FBXW10: variants seen among roughly 807,000 people sequenced by gnomAD.
FBXW10 encodes the protein F-box and WD repeat domain containing 10, also known as F-box/WD repeat-containing protein 10.
In FBXW10, 68 loss-of-function variants were observed where a neutral mutation model predicts 113.1. That is an observed-to-expected ratio of 0.60 (90% CI 0.49 to 0.74). FBXW10 has a LOEUF of 0.74. Ranked by LOEUF, FBXW10 falls within the 30% of genes least tolerant of loss-of-function variation. The pLI is 0.00. For synonymous variants in FBXW10, 289 were observed against 481.6 expected (o/e 0.60, Z 5.24); for missense variants, 753 against 1,284.5 (o/e 0.59, Z 6.32).
At chr17:18,752,207 G>A (rs181176474) in intron 5 of FBXW10, among the ~76,000 whole-genome samples, 365 of 152,230 alleles carry the variant, frequency 2.4e-3, no homozygotes, top group African/African-American at 8.3e-3. Context: ...CGGTGTGGCT[G>A]TCATGGACTG....
chr17:18,778,773 T>G lies in FBXW10; in HGVS notation c.2634T>G (p.Asp878Glu), dbSNP rs1188953629. The G allele has an allele frequency of 6.2e-7, 1 of 1,613,660 alleles. No individual in the cohort carries two copies. The highest frequency in any genetic ancestry group is 8.5e-7 in the Non-Finnish European group (1 of 1,179,804). The change falls in exon 14 of 14, where the codon GAT becomes GAG. Residue 878 changes from aspartate to glutamate, a missense_variant. Physicochemically the swap from Asp to Glu is conservative, Grantham distance 45 (BLOSUM62 2). Coordinates refer to ENST00000395665, the MANE Select transcript of FBXW10 (RefSeq NM_001267585.2). ...TGAGATTGAGCAATCCTCCTATAGA[T>G]GTGAAACGAACCAGTATTCCCCTTG... ...DRLRLSNPPIDVKRTSIPLEI... is the reference protein window; with the variant it reads ...DRLRLSNPPIEVKRTSIPLEI...
intron 2 of FBXW10, 102 bp downstream of exon 2, chr17:18,748,207 C>A: frequency 6.5e-7 from 1 of 1,535,532 alleles, no homozygotes. Flanking sequence ...ATCATGAGGT[C>A]AGGAGATCGA....
At chr17:18,761,096 T>G (rs112767708) in intron 7 of FBXW10, among the ~76,000 whole-genome samples, 4 of 152,234 alleles carry the variant, frequency 2.6e-5, no homozygotes, top group African/African-American at 4.8e-5. Flanking sequence ...TTTATCACAT[T>G]GAAATTTCCC....
At chr17:18,769,578 A>C in intron 10 of FBXW10, 1 of 195,044 alleles carries the variant, frequency 5.1e-6, no homozygotes, top group Non-Finnish European at 1.0e-5. Context: ...GGATTTCATG[A>C]CCAGCCTGAC....
intron 8 of FBXW10, 103 bp downstream of exon 8, chr17:18,764,966 C>T (rs1236602358): frequency 6.2e-7 from 1 of 1,607,796 alleles, no homozygotes; most frequent in Non-Finnish European, 8.5e-7. Context: ...GTCATTTATT[C>T]TTTATCATCC....
intron 5 of FBXW10, among the ~76,000 whole-genome samples, chr17:18,752,235 T>C (rs1347033966): frequency 6.6e-6 from 1 of 152,082 alleles, no homozygotes; most frequent in East Asian, 1.9e-4. Context: ...CACCTGCATC[T>C]GAAGGGCCAG....
Position 18,749,901 on chromosome 17 carries a change from C to CA in FBXW10, c.851dup (p.His284GlnfsTer12). 6.2e-7 allele frequency: 1 copy of CA among 1,613,890 alleles called. No individual in the cohort carries two copies. Among genetic ancestry groups the CA allele is most frequent in the Non-Finnish European group, 8.5e-7 (1 of 1,179,940 alleles). ...AGACTTCATCCGTTACCTGCCCATC[C>CA]ACCTCTCCAAGTACATTCTAAGTAT... On this transcript the variant is annotated frameshift_variant, in exon 3 of 14. Transcript: ENST00000395665. LOFTEE classifies it high-confidence loss of function.
At chr17:18,768,361 C>T (rs1036664159) in intron 9 of FBXW10, among the ~76,000 whole-genome samples, 173 bp from the exon 10 acceptor site, 3 of 152,098 alleles carry the variant, frequency 2.0e-5, no homozygotes, top group Non-Finnish European at 4.4e-5. Context: ...CCACCGCACC[C>T]GGCCTCCATC....
At chr17:18,758,246 AGTCC>A (rs1417976296) in intron 6 of FBXW10, 55 bp from the exon 7 acceptor site, 20 of 1,343,050 alleles carry the variant, frequency 1.5e-5, no homozygotes, top group Non-Finnish European at 1.0e-6. Context: ...GGGCTAAGTC[AGTCC>A]CAGGAGGGAC....
At chr17:18,763,573 C>T (rs1342493033) in intron 7 of FBXW10, among the ~76,000 whole-genome samples, 2 of 152,076 alleles carry the variant, frequency 1.3e-5, no homozygotes, top group Non-Finnish European at 2.9e-5. Context: ...GGACTTCAGG[C>T]AGCCTTCTCC....
At chr17:18,777,692 C>T (rs1222674803) in intron 13 of FBXW10, among the ~76,000 whole-genome samples, 2 of 151,726 alleles carry the variant, frequency 1.3e-5, no homozygotes, top group African/African-American at 2.4e-5. Flanking sequence ...TACAGGCGCC[C>T]GCCGCCATGC....
chr17:18,767,239 G>A (rs2035514752), intron 9 of FBXW10, among the ~76,000 whole-genome samples: 1 of 152,032 alleles, frequency 6.6e-6, no homozygotes, highest in Admixed American at 6.6e-5. Flanking sequence ...TTGGGAGGCC[G>A]AGGCAGGCGG....
At position 18,768,758 on chromosome 17, in the gene FBXW10, C is replaced by T. The variant is rs968424022; in HGVS notation, c.1847+82C>T. 4.1e-5 allele frequency: 57 copies of T among 1,396,654 alleles called. No individual in the cohort carries two copies. In the African/African-American group the frequency reaches 6.7e-4, roughly 16 times the overall value. 86.5% of individuals were successfully genotyped at this position (1,396,654 alleles called of 1,614,324 possible). ...AGCCTAGACTGCAATCATTGGCAGA[C>T]CTTCTGCTCCCTGTAGACATCGTGT... On this transcript the variant is annotated intron_variant, in intron 10 of 13. Transcript: ENST00000395665.
intron 5 of FBXW10, among the ~76,000 whole-genome samples, chr17:18,752,193 C>T (rs1007159635): frequency 1.3e-5 from 2 of 152,018 alleles, no homozygotes; most frequent in Non-Finnish European, 2.9e-5. Flanking sequence ...TGGGCAGTAG[C>T]GGACGGTGTG....
At chr17:18,763,343 A>G (rs2035424346) in intron 7 of FBXW10, among the ~76,000 whole-genome samples, 1 of 151,896 alleles carries the variant, frequency 6.6e-6, no homozygotes, top group Admixed American at 6.6e-5. Context: ...TTTTTAGTAG[A>G]GACAGGGTTT....
chr17:18,768,240 G>A (rs2035540631), intron 9 of FBXW10, among the ~76,000 whole-genome samples: 3 of 151,862 alleles, frequency 2.0e-5, no homozygotes, highest in Admixed American at 2.0e-4. Flanking sequence ...GCTAATTTTT[G>A]TATTTTTAGT....
At chr17:18,760,005 AG>A in intron 7 of FBXW10, among the ~76,000 whole-genome samples, 1 of 152,182 alleles carries the variant, frequency 6.6e-6, no homozygotes, top group Non-Finnish European at 1.5e-5. Flanking sequence ...AGTTTTTTAA[AG>A]GTATATTCTT....
intron 2 of FBXW10, 114 bp from the exon 3 acceptor site, chr17:18,749,608 G>C (rs536392843): frequency 7.2e-7 from 1 of 1,394,840 alleles, no homozygotes; most frequent in South Asian, 1.3e-5. Flanking sequence ...GTGGCCTAAG[G>C]TTAGAGTCTG....
At chr17:18,763,036 G>A (rs960513690) in intron 7 of FBXW10, among the ~76,000 whole-genome samples, 7 of 149,346 alleles carry the variant, frequency 4.7e-5, no homozygotes, top group African/African-American at 1.2e-4. Context: ...TAAGGCATTG[G>A]TAAGGCTGCA....
Sources: gnomAD v4.1 joint callset for allele counts (sites outside exome capture counted in the v4.1 genomes callset) on GRCh38, gnomAD v4.1.1 for gene constraint, MANE v1.5 for transcripts, NCBI Gene and HGNC (gene_info 2026-07-23, HGNC 2026-07-21) for gene names.